The following ABR variants were observed in gnomAD, a reference collection of about 807,000 sequenced individuals.
The protein encoded by ABR is active breakpoint cluster region-related protein.
In ABR, 35 loss-of-function variants were observed where a neutral mutation model predicts 107.2. The ratio of observed to expected loss-of-function variants is 0.33; its 90% CI spans 0.25 to 0.43. The LOEUF is 0.43. ABR is among the 20% of genes least tolerant of loss of function. The pLI, the probability that ABR is intolerant of heterozygous loss-of-function variation, is 1.00. For missense variants in ABR, 815 were observed against 1,115.2 expected, an observed-to-expected ratio of 0.73 and a Z score of 3.83; for synonymous variants, 498 against 462.0, an observed-to-expected ratio of 1.08 and a Z score of -1.00.
intron 5 of ABR, among the ~76,000 whole-genome samples, chr17:1,082,916 G>A (rs1454898864): frequency 2.0e-5 from 3 of 152,060 alleles, no homozygotes; most frequent in Non-Finnish European, 4.4e-5. Context: ...CACATCACCC[G>A]AGTTCGAGAC....
At position 1,104,361 on chromosome 17, in the gene ABR, T is replaced by A. The variant is rs1427729481; in HGVS notation, c.247-3626A>T. ...TCCTCCACAGAGTTGAGAGGCTAAA[T>A]AAAGCCTCCAAACATCTGGTTCCAG... On this transcript the variant is annotated intron_variant, in intron 2 of 22. Transcript: ENST00000302538. Among the ~76,000 whole-genome samples the A allele has an allele frequency of 2.6e-5, 4 of 152,250 alleles. No individual in the cohort carries two copies. The South Asian group carries it at 8.3e-4, about 32-fold the overall frequency.
At chr17:1,130,637 G>A (rs1330701664) in intron 1 of ABR, among the ~76,000 whole-genome samples, 1 of 152,156 alleles carries the variant, frequency 6.6e-6, no homozygotes, top group East Asian at 1.9e-4. Flanking sequence ...TCTAATTCCT[G>A]GGACCTGGGA....
At chr17:1,014,674 TAAAAAAAA>T (rs879605312) in intron 16 of ABR, among the ~76,000 whole-genome samples, 5 of 135,474 alleles carry the variant, frequency 3.7e-5, no homozygotes, top group East Asian at 2.2e-4. Flanking sequence ...CCGTCTCTAC[TAAAAAAAA>T]AAAAATACAA....
intron 16 of ABR, among the ~76,000 whole-genome samples, chr17:1,026,648 C>T (rs576177432): frequency 5.9e-5 from 9 of 152,164 alleles, no homozygotes; most frequent in South Asian, 2.1e-4. Flanking sequence ...CCAGGACTGA[C>T]GCTGCGTTTC....
chr17:1,101,034 G>A, intron 2 of ABR: 1 of 402,856 alleles, frequency 2.5e-6, no homozygotes, highest in Non-Finnish European at 4.6e-6. Flanking sequence ...ATGTTGGCCA[G>A]GCTGATATAG....
chr17:1,121,847 G>A (rs1310679661), intron 2 of ABR, among the ~76,000 whole-genome samples: 2 of 152,198 alleles, frequency 1.3e-5, no homozygotes, highest in Admixed American at 6.5e-5. Context: ...GAGACAAGGA[G>A]ACTGAGGCTC....
intron 2 of ABR, among the ~76,000 whole-genome samples, chr17:1,116,896 G>A (rs1376351698): frequency 6.6e-6 from 1 of 152,170 alleles, no homozygotes; most frequent in Non-Finnish European, 1.5e-5. Context: ...CTGCTGGGGG[G>A]CGGAGGCTGA....
At chr17:1,061,535 T>G (rs2033924084) in intron 10 of ABR, among the ~76,000 whole-genome samples, 2 of 137,488 alleles carry the variant, frequency 1.5e-5, no homozygotes. Flanking sequence ...AATAATTGTT[T>G]GTTTACTAAG....
At position 1,097,741 on chromosome 17, in the gene ABR, C is replaced by A. The variant is rs150764477; in HGVS notation, c.345+2896G>T. The stretch of plus-strand genomic sequence containing the variant: ...ACCTGCTGAAAGCCTGGAGCCAGTA[C>A]GGCCAGGCAGTCTAGATCCTCTGTC... On this transcript the variant is annotated intron_variant, in intron 3 of 22. Coordinates refer to ENST00000302538, the MANE Select transcript of ABR (RefSeq NM_021962.5). Among the ~76,000 whole-genome samples, 195 of 152,304 alleles carry A rather than the reference C, an allele frequency of 1.3e-3. 1 individual carries two copies. The highest frequency in any genetic ancestry group is 2.4e-3 in the Non-Finnish European group (164 of 68,032).
intron 16 of ABR, among the ~76,000 whole-genome samples, 187 bp from the exon 17 acceptor site, chr17:1,013,351 C>T (rs1051898813): frequency 1.3e-5 from 2 of 149,590 alleles, no homozygotes; most frequent in Non-Finnish European, 3.0e-5. Flanking sequence ...CCCCTGTGGC[C>T]GCCGTGGGGG....
intron 16 of ABR, among the ~76,000 whole-genome samples, chr17:1,030,240 G>A (rs1399553668): frequency 6.6e-6 from 1 of 152,200 alleles, no homozygotes; most frequent in Admixed American, 6.5e-5. Context: ...TTTAAAAGTT[G>A]CCCCCTGCCC....
In ABR at chr17:1,006,103, G is replaced by C; in HGVS notation, c.2557C>G (p.Leu853Val). 2 of 1,579,168 alleles carry C rather than the reference G, an allele frequency of 1.3e-6. No homozygotes were observed. The highest frequency in any genetic ancestry group is 1.7e-6 in the Non-Finnish European group (2 of 1,162,216). ...ISFAELKRNT[L>V]YFSTDV ...GGCTACACGTCGGTGGAGAAGTACAGTGTGTTCCGCTTGAGTTCTGCGAAG... is the reference window on the plus strand; with the variant it reads ...GGCTACACGTCGGTGGAGAAGTACACTGTGTTCCGCTTGAGTTCTGCGAAG... Residue 853 changes from leucine to valine, a missense_variant, in exon 23 of 23, where the codon CTG (leucine) becomes GTG (valine). Around this residue, in one of 5 missense-constraint regions of ABR, gnomAD observed 34 missense variants for 26.8 expected, o/e 1.27. Transcript: ENST00000302538.
At chr17:1,185,845 CTTTCT>C (rs1253636616) in intron 1 of ABR, among the ~76,000 whole-genome samples, 1 of 150,690 alleles carries the variant, frequency 6.6e-6, no homozygotes, top group African/African-American at 2.4e-5. Flanking sequence ...TCTTTTTTTT[CTTTCT>C]TTTGAGATGG....
At chr17:1,113,033 C>G (rs1283211214) in intron 2 of ABR, among the ~76,000 whole-genome samples, 2 of 152,052 alleles carry the variant, frequency 1.3e-5, no homozygotes, top group Non-Finnish European at 2.9e-5. Context: ...ACCCAATCAG[C>G]AAGCATTTGT....
rs376077873 is a variant in ABR, at chr17:1,011,241, G to A, written c.2102-378C>T. ...CTTTTCACACGTAAAAGCATGTTCC[G>A]ACAAAGCCTCAGCTTCTAGGCTGCA... is the stretch of plus-strand genomic sequence containing the variant. On this transcript the variant is annotated intron_variant, in intron 19 of 22. Transcript: ENST00000302538. This position sits in a 1 kb window ranked among gnomAD's most constrained non-coding sequence, Gnocchi z 4.8. 35 of 238,846 alleles carry A rather than the reference G, an allele frequency of 1.5e-4. No homozygotes were observed. The highest frequency in any genetic ancestry group is 6.6e-4 in the African/African-American group (29 of 44,108). 14.8% of individuals were successfully genotyped at this position (238,846 alleles called of 1,614,324 possible). A position where few individuals can be genotyped will look rare whatever the true frequency, so the allele number is the denominator to read the frequency against.
rs564936533 is a variant in ABR at position 1,051,336 on chromosome 17, A to G, written c.1562-702T>C. Among the ~76,000 whole-genome samples the G allele has an allele frequency of 5.1e-4, 77 of 152,248 alleles. No individual in the cohort carries two copies. The highest frequency in any genetic ancestry group is 1.8e-3 in the African/African-American group (75 of 41,554). On this transcript the variant is annotated intron_variant, in intron 14 of 22. Transcript: ENST00000302538. The surrounding 1 kb of genome is among the most constrained non-coding windows in gnomAD (Gnocchi z 4.3). ...TGCCTGCCGGTGTACCCGCAGTACC[A>G]AGAACAGGGCTGGGAACCCAGCTGG...
chr17:1,078,760 C>CAGAGTG lies in ABR; in HGVS notation c.700+569_700+570insCACTCT, dbSNP rs2035949259. On this transcript the variant is annotated intron_variant, in intron 6 of 22. Coordinates refer to ENST00000302538, the MANE Select transcript of ABR (RefSeq NM_021962.5). The surrounding 1 kb of genome is among the most constrained non-coding windows in gnomAD (Gnocchi z 7.5). ...CGGCCACATCTAAGCCCACTCCAGC[C>CAGAGTG]GGCCCCCAGAGGTGGGAGGGTCCGC... 6.6e-7 allele frequency: 1 copy of CAGAGTG among 1,520,010 alleles called. No homozygotes were observed. 94.2% of individuals were successfully genotyped at this position (1,520,010 alleles called of 1,614,324 possible). A position where few individuals can be genotyped will look rare whatever the true frequency, so the allele number is the denominator to read the frequency against.
chr17:1,116,976 CT>C (rs1447472089), intron 2 of ABR, among the ~76,000 whole-genome samples: 2 of 152,194 alleles, frequency 1.3e-5, no homozygotes, highest in Non-Finnish European at 2.9e-5. Context: ...CAGGCACCAT[CT>C]CAGGAGTTCC....
chr17:1,160,135 G>A (rs1460017088), intron 1 of ABR, among the ~76,000 whole-genome samples: 2 of 152,096 alleles, frequency 1.3e-5, no homozygotes, highest in Non-Finnish European at 2.9e-5. Flanking sequence ...TAGGGCCGCT[G>A]TACCTCTCCT....
Sources: allele counts gnomAD v4.1 joint callset (sites outside exome capture counted in the v4.1 genomes callset), GRCh38; gene constraint gnomAD v4.1.1; regional missense constraint gnomAD v4.1.1; non-coding constraint Gnocchi (gnomAD v3.1); transcripts MANE v1.5; gene names NCBI Gene and HGNC (gene_info 2026-07-23, HGNC 2026-07-21).